AMPH: variants seen among roughly 807,000 people sequenced by gnomAD.
AMPH encodes the protein amphiphysin.
In AMPH, 49 loss-of-function variants were observed where a neutral mutation model predicts 99.1. The observed-to-expected ratio is 0.49, with a 90% confidence interval of 0.39 to 0.63. AMPH has a LOEUF of 0.63. AMPH is among the 20% of genes least tolerant of loss of function. The pLI is 0.00. For missense variants in AMPH, 759 were observed against 863.4 expected (o/e 0.88, Z 1.52); for synonymous variants, 314 against 317.3 (o/e 0.99, Z 0.11).
chr7:38,593,895 G>A (rs573449340), intron 1 of AMPH, among the ~76,000 whole-genome samples: 65 of 152,206 alleles, frequency 4.3e-4, no homozygotes, highest in Non-Finnish European at 5.9e-4. Context: ...AAGCTGGCGG[G>A]AGGGTGGTGG....
At chr7:38,396,243 GAT>G (rs1784666113) in intron 17 of AMPH, among the ~76,000 whole-genome samples, 3 of 152,164 alleles carry the variant, frequency 2.0e-5, no homozygotes, top group African/African-American at 7.2e-5. Flanking sequence ...CTTGGTGGGA[GAT>G]GATTGAATCA....
chr7:38,599,064 TC>T (rs1253750558), intron 1 of AMPH, among the ~76,000 whole-genome samples: 1 of 152,254 alleles, frequency 6.6e-6, no homozygotes, highest in Non-Finnish European at 1.5e-5. Flanking sequence ...TGATTTCCTC[TC>T]TTTGACTTAA....
intron 1 of AMPH, among the ~76,000 whole-genome samples, chr7:38,610,288 G>GA (rs1793598090): frequency 1.1e-4 from 1 of 8,920 alleles, no homozygotes; most frequent in East Asian, 1.0e-3. Flanking sequence ...AAGAAAGAAA[G>GA]AAAGAAAGAA....
intron 17 of AMPH, among the ~76,000 whole-genome samples, chr7:38,412,308 A>C (rs1019512208): frequency 6.6e-6 from 1 of 152,366 alleles, no homozygotes; most frequent in Non-Finnish European, 1.5e-5. Flanking sequence ...TCACCTAAAA[A>C]TGGCTCCTCA....
chr7:38,577,546 TTTG>T (rs1456557449), intron 1 of AMPH, among the ~76,000 whole-genome samples: 2 of 152,180 alleles, frequency 1.3e-5, no homozygotes, highest in Non-Finnish European at 2.9e-5. Context: ...TATCACCTTT[TTTG>T]TTTTCTCCTG....
intron 1 of AMPH, among the ~76,000 whole-genome samples, chr7:38,612,794 T>C (rs1584306036): frequency 1.3e-5 from 2 of 152,324 alleles, no homozygotes; most frequent in Admixed American, 6.5e-5. Flanking sequence ...ATGTGTTATA[T>C]ACTACGTGTT....
At chr7:38,493,984 T>C (rs556540575) in intron 4 of AMPH, among the ~76,000 whole-genome samples, 254 of 152,262 alleles carry the variant, frequency 1.7e-3, no homozygotes, top group Non-Finnish European at 3.0e-3. Context: ...CGAGATGGAG[T>C]CTTGCTCTGT....
At chr7:38,544,937 T>TG (rs1188093072) in intron 1 of AMPH, among the ~76,000 whole-genome samples, 2 of 152,228 alleles carry the variant, frequency 1.3e-5, no homozygotes, top group African/African-American at 4.8e-5. Flanking sequence ...CTTACGTGTT[T>TG]GGCCAAGCTC....
At chr7:38,471,253 T>C (rs1368754002) in intron 7 of AMPH, among the ~76,000 whole-genome samples, 1 of 152,218 alleles carries the variant, frequency 6.6e-6, no homozygotes, top group Non-Finnish European at 1.5e-5. Flanking sequence ...CCTTTATTCA[T>C]ACTCTATGTC....
At position 38,517,480 on chromosome 7, in the gene AMPH, G is replaced by C. The variant is rs578203620; in HGVS notation, c.151-13776C>G. 4.6e-5 allele frequency among the ~76,000 whole-genome samples: 7 copies of C among 152,256 alleles called. No homozygotes were observed. The East Asian group carries it at 1.2e-3, about 25-fold the overall frequency. On this transcript the variant is annotated intron_variant, in intron 2 of 20. Transcript: ENST00000356264. Reference sequence around the variant, plus strand: ...TCTGCCATAATTGTAAGTTTCCTGAGTGCCCCCCATCCATGCTTCCTGTTC... The same window carrying C: ...TCTGCCATAATTGTAAGTTTCCTGACTGCCCCCCATCCATGCTTCCTGTTC...
At chr7:38,408,562 C>A (rs1002877079) in intron 17 of AMPH, among the ~76,000 whole-genome samples, 1 of 151,936 alleles carries the variant, frequency 6.6e-6, no homozygotes, top group Non-Finnish European at 1.5e-5. Flanking sequence ...GAGATTGAGA[C>A]CATCCTGGCT....
chr7:38,525,006 A>C lies in AMPH; in HGVS notation c.150+9925T>G, dbSNP rs558747507. On this transcript the variant is annotated intron_variant, in intron 2 of 20. Transcript: ENST00000356264. ...TGTGAGTCTGTGGCTTCTGCCTTCAAGTGTGTTTGTTCTGACAGAGGCAGT... is the reference window on the plus strand; with the variant it reads ...TGTGAGTCTGTGGCTTCTGCCTTCACGTGTGTTTGTTCTGACAGAGGCAGT... Among the ~76,000 whole-genome samples the C allele has an allele frequency of 4.1e-3, 621 of 152,050 alleles. 4 individuals carry two copies. The highest frequency in any genetic ancestry group is 0.012 in the African/African-American group (505 of 41,444).
intron 1 of AMPH, among the ~76,000 whole-genome samples, chr7:38,544,945 C>G (rs1790939592): frequency 6.6e-6 from 1 of 152,210 alleles, no homozygotes; most frequent in Non-Finnish European, 1.5e-5. Context: ...TTTGGCCAAG[C>G]TCACATCTTC....
At chr7:38,524,147 T>C (rs1790075981) in intron 2 of AMPH, among the ~76,000 whole-genome samples, 1 of 152,164 alleles carries the variant, frequency 6.6e-6, no homozygotes. Context: ...TCCCAGAAGC[T>C]AATTATTAAC....
chr7:38,597,642 T>C (rs1793107075), intron 1 of AMPH, among the ~76,000 whole-genome samples: 1 of 152,096 alleles, frequency 6.6e-6, no homozygotes, highest in Non-Finnish European at 1.5e-5. Context: ...GAGGCAAAAA[T>C]TACTCCTACC....
chr7:38,466,316 T>C (rs1187344353), intron 7 of AMPH, 68 bp from the exon 8 acceptor site: 1 of 1,285,988 alleles, frequency 7.8e-7, no homozygotes, highest in South Asian at 1.3e-5. Flanking sequence ...ATAATTTTAA[T>C]AGCAATGAAA....
intron 17 of AMPH, among the ~76,000 whole-genome samples, chr7:38,398,356 A>G (rs1173035932): frequency 6.6e-6 from 1 of 152,246 alleles, no homozygotes; most frequent in Non-Finnish European, 1.5e-5. Flanking sequence ...AGTACTATTC[A>G]GCCATAGAAA....
chr7:38,553,838 T>TA (rs776082392), intron 1 of AMPH, among the ~76,000 whole-genome samples: 1 of 152,200 alleles, frequency 6.6e-6, no homozygotes, highest in Non-Finnish European at 1.5e-5. Context: ...CCCTGCAGGC[T>TA]AAAAAAGAGT....
intron 5 of AMPH, among the ~76,000 whole-genome samples, chr7:38,490,395 C>T (rs1788674830): frequency 6.6e-6 from 1 of 152,108 alleles, no homozygotes; most frequent in Non-Finnish European, 1.5e-5. Flanking sequence ...AGTTTAAAAG[C>T]CATCTTTACC....
Sources: allele counts gnomAD v4.1 joint callset (sites outside exome capture counted in the v4.1 genomes callset), GRCh38; gene constraint gnomAD v4.1.1; transcripts MANE v1.5; gene names NCBI Gene and HGNC (gene_info 2026-07-23, HGNC 2026-07-21).